Variants in MED16 observed in about 807,000 individuals in gnomAD.
MED16 encodes the protein mediator complex subunit 16.
Under a neutral mutation model 84.4 loss-of-function variants are expected in MED16, and 81 were observed. The ratio of observed to expected loss-of-function variants is 0.96; its 90% CI spans 0.80 to 1.15. MED16 has a LOEUF of 1.15. MED16 is among the 50% of genes most tolerant of loss of function. The pLI, the probability that MED16 is intolerant of heterozygous loss-of-function variation, is 0.00. For synonymous variants in MED16, 897 were observed against 552.2 expected (o/e 1.62, Z -8.76); for missense variants, 1,585 against 1,245.9 (o/e 1.27, Z -4.10).
chr19:880,660 C>T (rs1252058764), intron 7 of MED16, among the ~76,000 whole-genome samples: 4 of 152,228 alleles, frequency 2.6e-5, no homozygotes, highest in Non-Finnish European at 4.4e-5. Context: ...TGGCTCACGC[C>T]TGTAATCCTA....
intron 4 of MED16, among the ~76,000 whole-genome samples, chr19:886,703 T>C (rs946467664): frequency 6.6e-6 from 1 of 152,272 alleles, no homozygotes; most frequent in Admixed American, 6.5e-5. Context: ...GCGGGCACTA[T>C]TTGATTTCAA....
rs746016014 is a variant in MED16 at position 885,758 on chromosome 19, G to A, written c.879+12C>T. On this transcript the variant is annotated intron_variant, in intron 5 of 15. Transcript: ENST00000325464. The stretch of plus-strand genomic sequence containing the variant: ...AGCCTGCCAGCCCACGTGATGGCCT[G>A]CGCCCGTTCACCTGCTCCGACATGT... 5.0e-6 allele frequency: 8 copies of A among 1,601,796 alleles called. No homozygotes were observed. Among genetic ancestry groups the A allele is most frequent in the East Asian group, 2.2e-5 (1 of 44,746 alleles).
chr19:889,917 A>C (rs529624368), intron 3 of MED16, 110 bp from the exon 4 acceptor site: 27 of 1,339,608 alleles, frequency 2.0e-5, no homozygotes, highest in Non-Finnish European at 2.6e-5. Context: ...GTCTCGGCCC[A>C]GGTAGGGCAC....
chr19:880,269 G>C (rs1403646254), intron 7 of MED16, 121 bp from the exon 8 acceptor site: 3 of 869,108 alleles, frequency 3.5e-6, no homozygotes, highest in South Asian at 1.9e-5. Flanking sequence ...GTCAGCCCCC[G>C]CCAATCGGCA....
At chr19:873,402 T>A in intron 11 of MED16, 47 bp downstream of exon 11, 1 of 1,227,086 alleles carries the variant, frequency 8.1e-7, no homozygotes, top group Non-Finnish European at 1.0e-6. Context: ...CCTGATGAGA[T>A]GGGGGCCCAG....
At chr19:888,193 G>A (rs757492010) in intron 4 of MED16, among the ~76,000 whole-genome samples, 26 of 151,612 alleles carry the variant, frequency 1.7e-4, no homozygotes, top group Admixed American at 4.6e-4. Context: ...AACAGAGCAA[G>A]ACCCTGTCTC....
chr19:869,560 G>C (rs918118163), intron 13 of MED16, among the ~76,000 whole-genome samples: 2 of 152,182 alleles, frequency 1.3e-5, no homozygotes, highest in Admixed American at 1.3e-4. Flanking sequence ...ACCCTCGTGT[G>C]TGACTCATTA....
chr19:877,268 G>A (rs2036271299), intron 8 of MED16, 88 bp from the exon 9 acceptor site: 23 of 1,324,602 alleles, frequency 1.7e-5, no homozygotes, highest in Admixed American at 1.4e-4. Flanking sequence ...GCTGCGGCAC[G>A]TGTGTGGATC....
intron 2 of MED16, 30 bp downstream of exon 2, chr19:890,933 G>A (rs921819468): frequency 1.9e-6 from 3 of 1,605,786 alleles, no homozygotes; most frequent in Non-Finnish European, 2.5e-6. Flanking sequence ...CATGCGGCCG[G>A]GAGGGGAAGC....
intron 13 of MED16, among the ~76,000 whole-genome samples, chr19:870,397 C>T (rs759290119): frequency 6.6e-6 from 1 of 151,892 alleles, no homozygotes; most frequent in African/African-American, 2.4e-5. Context: ...CGCCTCTATA[C>T]CAAAAATACA....
At chr19:875,836 G>C (rs1252679273) in intron 9 of MED16, among the ~76,000 whole-genome samples, 2 of 152,162 alleles carry the variant, frequency 1.3e-5, no homozygotes, top group Admixed American at 1.3e-4. Flanking sequence ...GGGAGACCCT[G>C]GTCTAGAGAG....
At chr19:877,407 C>T (rs1445758885) in intron 8 of MED16, among the ~76,000 whole-genome samples, 1 of 152,164 alleles carries the variant, frequency 6.6e-6, no homozygotes, top group East Asian at 1.9e-4. Context: ...CCCGACTGCA[C>T]TGGATGCCGA....
intron 5 of MED16, 55 bp from the exon 6 acceptor site, chr19:885,063 A>AC: frequency 7.2e-7 from 1 of 1,395,876 alleles, no homozygotes; most frequent in Non-Finnish European, 9.8e-7. Context: ...TGGCCACGCC[A>AC]CCACCGGAGC....
chr19:869,848 G>A (rs527594927), intron 13 of MED16, among the ~76,000 whole-genome samples: 1 of 152,318 alleles, frequency 6.6e-6, no homozygotes, highest in South Asian at 2.1e-4. Flanking sequence ...ACAGGCTGGG[G>A]GTCTGACGGG....
intron 1 of MED16, among the ~76,000 whole-genome samples, chr19:891,545 C>T (rs528942362): frequency 3.9e-5 from 6 of 152,166 alleles, no homozygotes; most frequent in East Asian, 1.9e-4. Flanking sequence ...AGGAAGAGCC[C>T]GCAGACAGGC....
chr19:884,478 C>T (rs1197195743), intron 6 of MED16, among the ~76,000 whole-genome samples: 1 of 152,128 alleles, frequency 6.6e-6, no homozygotes, highest in African/African-American at 2.4e-5. Context: ...CCTTGGCTTC[C>T]TCTCCCTGAA....
At position 868,781 on chromosome 19, in the gene MED16, G is replaced by C. The variant is rs913135531; in HGVS notation, c.2399+82C>G. On this transcript the variant is annotated intron_variant, in intron 14 of 15. Coordinates refer to ENST00000325464, the MANE Select transcript of MED16 (RefSeq NM_005481.3). ...TCCCTCCACCACCCTTGACCGTCTGGAGCGCTGGGTGGGGGCTAGAATCAG... is the reference window on the plus strand; with the variant it reads ...TCCCTCCACCACCCTTGACCGTCTGCAGCGCTGGGTGGGGGCTAGAATCAG... 7.1e-6 allele frequency: 10 copies of C among 1,413,834 alleles called. No individual in the cohort carries two copies. In the South Asian group the frequency reaches 7.7e-5, roughly 11 times the overall value. 87.6% of individuals were successfully genotyped at this position (1,413,834 alleles called of 1,614,324 possible).
At chr19:892,070 G>A (rs940599020) in intron 1 of MED16, among the ~76,000 whole-genome samples, 2 of 152,012 alleles carry the variant, frequency 1.3e-5, no homozygotes, top group Admixed American at 1.3e-4. Context: ...CGAGGCGGGG[G>A]CTGAGTGTCA....
At chr19:883,895 G>C (rs2036472537) in intron 6 of MED16, among the ~76,000 whole-genome samples, 1 of 152,168 alleles carries the variant, frequency 6.6e-6, no homozygotes, top group African/African-American at 2.4e-5. Context: ...AACGAGCCCT[G>C]GGAGAAGGAA....
Sources: allele counts gnomAD v4.1 joint callset (sites outside exome capture counted in the v4.1 genomes callset), GRCh38; gene constraint gnomAD v4.1.1; transcripts MANE v1.5; gene names NCBI Gene and HGNC (gene_info 2026-07-23, HGNC 2026-07-21).